LRRTM3: variants seen among roughly 807,000 people sequenced by gnomAD.
LRRTM3 encodes leucine rich repeat transmembrane neuronal 3, also known as leucine-rich repeat transmembrane neuronal protein 3.
Under a neutral mutation model 44.7 loss-of-function variants are expected in LRRTM3, and 24 were observed. That is an observed-to-expected ratio of 0.54 (90% CI 0.39 to 0.76). The LOEUF (loss-of-function observed/expected upper bound fraction) is 0.76, where lower values mean the gene tolerates loss of function less well. Among genes scored for constraint, LRRTM3 ranks in the 30% least tolerant of loss-of-function variants. The pLI is 0.00. For synonymous variants in LRRTM3, 277 were observed against 278.7 expected (o/e 0.99, Z 0.06); for missense variants, 587 against 702.2 (o/e 0.84, Z 1.85).
rs541790436 is a variant in LRRTM3, at chr10:67,007,481, T to C, written c.1536+79029T>C. ...ATTTCTAAAATAAGAGATAAAATATTTGACAAGCAGGACTTTCACACTGTA... is the reference window on the plus strand; with the variant it reads ...ATTTCTAAAATAAGAGATAAAATATCTGACAAGCAGGACTTTCACACTGTA... On this transcript the variant is annotated intron_variant, in intron 2 of 2. Transcript: ENST00000361320. Among the ~76,000 whole-genome samples, 7 of 152,170 alleles carry C rather than the reference T, an allele frequency of 4.6e-5. No individual in the cohort carries two copies. In the East Asian group the frequency reaches 7.7e-4, roughly 17 times the overall value.
At chr10:66,978,552 A>AAAAAAAT in intron 2 of LRRTM3, among the ~76,000 whole-genome samples, 8 of 37,886 alleles carry the variant, frequency 2.1e-4, no homozygotes, top group African/African-American at 4.3e-4. Context: ...AAAAAAAAAA[A>AAAAAAAT]ATATATATAT....
intron 2 of LRRTM3, among the ~76,000 whole-genome samples, chr10:67,057,860 T>C (rs1855532548): frequency 6.6e-6 from 1 of 152,154 alleles, no homozygotes; most frequent in Non-Finnish European, 1.5e-5. Context: ...AGCCAAAATA[T>C]GAGAGTTCAT....
At chr10:66,982,411 C>A (rs1007029301) in intron 2 of LRRTM3, among the ~76,000 whole-genome samples, 14 of 152,238 alleles carry the variant, frequency 9.2e-5, no homozygotes, top group African/African-American at 3.1e-4. Context: ...AGTTTTTTCA[C>A]CTCTAACCAA....
At chr10:67,078,951 G>A (rs1215406132) in intron 2 of LRRTM3, among the ~76,000 whole-genome samples, 1 of 152,232 alleles carries the variant, frequency 6.6e-6, no homozygotes, top group Non-Finnish European at 1.5e-5. Flanking sequence ...ATTTGATTAT[G>A]TGACTTAGAA....
chr10:67,064,979 T>C (rs1855985486), intron 2 of LRRTM3, among the ~76,000 whole-genome samples: 1 of 152,146 alleles, frequency 6.6e-6, no homozygotes, highest in East Asian at 1.9e-4. Context: ...CTTGGAGTTA[T>C]AAAAGAGCCA....
intron 2 of LRRTM3, among the ~76,000 whole-genome samples, chr10:66,938,523 T>C (rs1325170521): frequency 6.6e-6 from 1 of 152,166 alleles, no homozygotes; most frequent in Non-Finnish European, 1.5e-5. Context: ...CCTAAAGGTC[T>C]TCATTCTTGG....
At position 66,956,331 on chromosome 10, in the gene LRRTM3, G is replaced by A. The variant is rs1848790807; in HGVS notation, c.1536+27879G>A. Among the ~76,000 whole-genome samples the A allele has an allele frequency of 3.3e-5, 5 of 151,784 alleles. No homozygotes were observed. In the South Asian group the frequency reaches 6.2e-4, roughly 19 times the overall value. Reference sequence around the variant, plus strand: ...TGGTAAGAGTTTTGGGAGCAGAGGGGATTCTTCCCAAGGGAAGTGGGAGTA... The same window carrying A: ...TGGTAAGAGTTTTGGGAGCAGAGGGAATTCTTCCCAAGGGAAGTGGGAGTA... On this transcript the variant is annotated intron_variant, in intron 2 of 2. Coordinates refer to ENST00000361320, the MANE Select transcript of LRRTM3 (RefSeq NM_178011.5).
At position 67,092,994 on chromosome 10, in the gene LRRTM3, T is replaced by C. The variant is rs141161713; in HGVS notation, c.1537-4593T>C. 3.9e-3 allele frequency among the ~76,000 whole-genome samples: 588 copies of C among 152,156 alleles called. 5 individuals carry two copies. Among genetic ancestry groups the C allele is most frequent in the African/African-American group, 0.014 (565 of 41,544 alleles). ...ATGCTTTCTAGAGAGTAAGTTTTTA[T>C]ACCCCTGAATCTCCACAATTCATAG... is the stretch of plus-strand genomic sequence containing the variant. On this transcript the variant is annotated intron_variant, in intron 2 of 2. Transcript: ENST00000361320.
chr10:67,052,313 A>ACTCTCTCTCTCTCACTCT, intron 2 of LRRTM3, among the ~76,000 whole-genome samples: 1 of 121,122 alleles, frequency 8.3e-6, no homozygotes, highest in East Asian at 2.3e-4. Context: ...CCCACTCATC[A>ACTCTCTCTCTCTCACTCT]CTCTCTCTCT....
intron 2 of LRRTM3, among the ~76,000 whole-genome samples, chr10:66,956,734 A>G (rs1848809932): frequency 6.6e-6 from 1 of 152,166 alleles, no homozygotes; most frequent in South Asian, 2.1e-4. Flanking sequence ...TATTTTTCCA[A>G]AGTGGTTGCT....
intron 2 of LRRTM3, among the ~76,000 whole-genome samples, chr10:67,066,917 A>G (rs1057452531): frequency 6.6e-6 from 1 of 152,236 alleles, no homozygotes; most frequent in Non-Finnish European, 1.5e-5. Flanking sequence ...TTTGGACATG[A>G]GCAATATTTA....
At chr10:66,962,317 C>G (rs1849153476) in intron 2 of LRRTM3, among the ~76,000 whole-genome samples, 1 of 152,114 alleles carries the variant, frequency 6.6e-6, no homozygotes, top group African/African-American at 2.4e-5. Context: ...CTCATGGTCT[C>G]CGTACTTACA....
rs976203081 is a variant in LRRTM3 at position 66,935,633 on chromosome 10, AATAT to A, written c.1536+7190_1536+7193del. Among the ~76,000 whole-genome samples, 3 of 151,718 alleles carry A rather than the reference AATAT, an allele frequency of 2.0e-5. No individual in the cohort carries two copies. In the East Asian group the frequency reaches 5.8e-4, roughly 29 times the overall value. ...TACGTATGTTGTACATGCCTAAAAA[AATAT>A]ATATATATTTTCCTATTAGGTGAAT... On this transcript the variant is annotated intron_variant, in intron 2 of 2. Coordinates refer to ENST00000361320, the MANE Select transcript of LRRTM3 (RefSeq NM_178011.5).
At chr10:67,096,381 AT>A (rs931160380) in intron 2 of LRRTM3, among the ~76,000 whole-genome samples, 2 of 151,862 alleles carry the variant, frequency 1.3e-5, no homozygotes, top group African/African-American at 4.8e-5. Flanking sequence ...TAATAAAAAA[AT>A]AATACCTAGG....
chr10:67,033,016 T>C (rs1193334700), intron 2 of LRRTM3, among the ~76,000 whole-genome samples: 1 of 152,198 alleles, frequency 6.6e-6, no homozygotes, highest in Non-Finnish European at 1.5e-5. Flanking sequence ...TGAATTATTT[T>C]ACAGTACTTT....
rs377577716 is a variant in LRRTM3, at chr10:67,036,379, C to T, written c.1537-61208C>T. Among the ~76,000 whole-genome samples the T allele has an allele frequency of 2.6e-5, 4 of 152,070 alleles. No homozygotes were observed. The East Asian group carries it at 7.8e-4, about 29-fold the overall frequency. ...CTCCCTTCAGTTTCAAGCAATTCTC[C>T]TGCCTCAGACTCCCAAGTAGCGACA... On this transcript the variant is annotated intron_variant, in intron 2 of 2. Coordinates refer to ENST00000361320, the MANE Select transcript of LRRTM3 (RefSeq NM_178011.5).
chr10:67,048,306 GC>G (rs889381836), intron 2 of LRRTM3, among the ~76,000 whole-genome samples: 7 of 152,012 alleles, frequency 4.6e-5, no homozygotes, highest in African/African-American at 7.2e-5. Flanking sequence ...GTATTTAAAA[GC>G]CAGTCTGTGA....
At position 67,098,076 on chromosome 10, in the gene LRRTM3, C is replaced by A. The variant is rs1302044903; in HGVS notation, c.*280C>A. 52 of 409,368 alleles carry A rather than the reference C, an allele frequency of 1.3e-4. No individual in the cohort carries two copies. Among genetic ancestry groups the A allele is most frequent in the East Asian group, 1.1e-3 (24 of 20,946 alleles). 25.4% of individuals were successfully genotyped at this position (409,368 alleles called of 1,614,324 possible). On this transcript the variant is annotated 3_prime_UTR_variant, in exon 3 of 3. Coordinates refer to ENST00000361320, the MANE Select transcript of LRRTM3 (RefSeq NM_178011.5). ...TTTTTTTCAAAACTCATCCTACCTA[C>A]CTGTAAAAACTGTACAAAGCTAATG...
chr10:67,062,199 AG>A (rs1855798124), intron 2 of LRRTM3, among the ~76,000 whole-genome samples: 1 of 37,812 alleles, frequency 2.6e-5, no homozygotes, highest in Non-Finnish European at 5.3e-5. Context: ...TAAAACCCAC[AG>A]AGAGTAAATT....
Sources: gnomAD v4.1 joint callset for allele counts (sites outside exome capture counted in the v4.1 genomes callset) on GRCh38, gnomAD v4.1.1 for gene constraint, MANE v1.5 for transcripts, NCBI Gene and HGNC (gene_info 2026-07-23, HGNC 2026-07-21) for gene names.